PIGL: variants seen among roughly 807,000 people sequenced by gnomAD.
PIGL encodes the protein N-acetylglucosaminyl-phosphatidylinositol de-N-acetylase.
PIGL carries 22 observed loss-of-function variants against 31.1 expected under a neutral mutation model. The ratio of observed to expected loss-of-function variants is 0.71; its 90% confidence interval spans 0.51 to 1.01. The LOEUF is 1.01. Ranked by LOEUF, PIGL falls within the 50% of genes least tolerant of loss-of-function variation. PIGL has a pLI of 0.00. For missense variants in PIGL, 302 were observed against 315.9 expected (o/e 0.96, Z 0.33); for synonymous variants, 131 against 117.4 (o/e 1.12, Z -0.75).
intron 2 of PIGL, among the ~76,000 whole-genome samples, chr17:16,235,679 C>G (rs927699934): frequency 1.3e-5 from 2 of 151,306 alleles, no homozygotes; most frequent in East Asian, 3.9e-4. Context: ...TCTTGAACTC[C>G]CGACCTCAGG....
chr17:16,218,654 C>G (rs1367550745), intron 1 of PIGL, among the ~76,000 whole-genome samples: 1 of 149,414 alleles, frequency 6.7e-6, no homozygotes, highest in Non-Finnish European at 1.5e-5. Flanking sequence ...AACACATTCC[C>G]AAAAACAAAA....
intron 2 of PIGL, among the ~76,000 whole-genome samples, chr17:16,245,355 G>A (rs2092740260): frequency 6.6e-6 from 1 of 151,724 alleles, no homozygotes. Context: ...TTGAAGTCCT[G>A]AACTCAGATG....
chr17:16,311,435 G>GTGGT (rs1445348342), intron 3 of PIGL, among the ~76,000 whole-genome samples: 101 of 92,624 alleles, frequency 1.1e-3, no homozygotes, highest in Admixed American at 2.6e-3. Flanking sequence ...AACCCAATAA[G>GTGGT]TGGTAAAGCC....
intron 1 of PIGL, among the ~76,000 whole-genome samples, chr17:16,219,047 G>C (rs1345269620): frequency 6.8e-6 from 1 of 147,032 alleles, no homozygotes; most frequent in African/African-American, 2.5e-5. Flanking sequence ...CTGTAGCATT[G>C]ACTGACATTT....
intron 1 of PIGL, among the ~76,000 whole-genome samples, chr17:16,231,894 T>TTA (rs2092681010): frequency 6.6e-6 from 1 of 152,204 alleles, no homozygotes; most frequent in South Asian, 2.1e-4. Flanking sequence ...GTTTTTTTAT[T>TTA]TATTTACAAT....
At chr17:16,282,340 C>G (rs569780544) in intron 2 of PIGL, among the ~76,000 whole-genome samples, 1 of 152,056 alleles carries the variant, frequency 6.6e-6, no homozygotes, top group Non-Finnish European at 1.5e-5. Context: ...TTCTTTACAA[C>G]TTAGAAAAGC....
intron 3 of PIGL, among the ~76,000 whole-genome samples, chr17:16,312,091 C>T (rs2093053779): frequency 7.0e-6 from 1 of 142,460 alleles, no homozygotes; most frequent in South Asian, 2.1e-4. Context: ...GGGGGCTGCC[C>T]CCCCACCTCC....
intron 3 of PIGL, among the ~76,000 whole-genome samples, chr17:16,306,035 G>A (rs971454660): frequency 6.6e-6 from 1 of 151,996 alleles, no homozygotes; most frequent in Non-Finnish European, 1.5e-5. Context: ...TTCAACCTCC[G>A]CCTCCCGGGT....
chr17:16,308,819 G>A, intron 3 of PIGL, among the ~76,000 whole-genome samples: 1 of 107,322 alleles, frequency 9.3e-6, no homozygotes, highest in Non-Finnish European at 1.8e-5. Context: ...TTCGAGACAA[G>A]GTCTCCCTCT....
rs929982346 is a variant in PIGL at position 16,218,904 on chromosome 17, C to T, written c.235+1443C>T. Among the ~76,000 whole-genome samples, 21 of 151,738 alleles carry T rather than the reference C, an allele frequency of 1.4e-4. 1 individual carries two copies. The highest frequency in any genetic ancestry group is 1.8e-4 in the Non-Finnish European group (12 of 67,912). Reference sequence around the variant, plus strand: ...ATGTTAGCCAGGCTGGTCTCAAACTCCTGACCTCTAGTGATCCACCTGCCT... The same window carrying T: ...ATGTTAGCCAGGCTGGTCTCAAACTTCTGACCTCTAGTGATCCACCTGCCT... On this transcript the variant is annotated intron_variant, in intron 1 of 6. Coordinates refer to ENST00000225609, the MANE Select transcript of PIGL (RefSeq NM_004278.4).
chr17:16,275,892 TG>T (rs2142780960), intron 2 of PIGL, among the ~76,000 whole-genome samples: 1 of 152,090 alleles, frequency 6.6e-6, no homozygotes, highest in African/African-American at 2.4e-5. Context: ...GGTGTGGTGG[TG>T]GGTGCCTGTA....
In PIGL at chr17:16,308,166, C is replaced by T. The variant is rs139640523; in HGVS notation, c.427-5381C>T. Among the ~76,000 whole-genome samples, 846 of 152,008 alleles carry T rather than the reference C, an allele frequency of 5.6e-3. 13 individuals are homozygous for T. Among genetic ancestry groups the T allele is most frequent in the African/African-American group, 0.019 (780 of 41,472 alleles). On this transcript the variant is annotated intron_variant, in intron 3 of 6. Coordinates refer to ENST00000225609, the MANE Select transcript of PIGL (RefSeq NM_004278.4). ...TGGCCAAGATGGTGAAACCCCATCT[C>T]TACTAAAAATACAAAAATTAGCCGG...
chr17:16,282,551 C>T (rs1387367913), intron 2 of PIGL, among the ~76,000 whole-genome samples: 2 of 152,136 alleles, frequency 1.3e-5, no homozygotes, highest in Non-Finnish European at 2.9e-5. Flanking sequence ...CAAAATATCC[C>T]TAGAATTACT....
chr17:16,304,317 G>A (rs1203618789), intron 3 of PIGL, among the ~76,000 whole-genome samples: 2 of 152,212 alleles, frequency 1.3e-5, no homozygotes, highest in Admixed American at 6.5e-5. Context: ...ACCAGGATGA[G>A]AGCATAAGCT....
At chr17:16,264,193 A>G (rs2092831542) in intron 2 of PIGL, among the ~76,000 whole-genome samples, 1 of 114,888 alleles carries the variant, frequency 8.7e-6, no homozygotes, top group Admixed American at 9.3e-5. Context: ...TTATATTTTT[A>G]GTAGAGATGG....
rs767349127 is a variant in PIGL, at chr17:16,299,933, G to C, written c.381G>C (p.Val127=). ...GCATGCAGTGGGACACAGAGCACGT[G>C]GCCAGAGTCCTCCTTCAGCACATAG... ...DPGMQWDTEH[V]ARVLLQHIEV... The change falls in exon 3 of 7, where the codon GTG becomes GTC. Residue 127 remains valine (V), a synonymous_variant. Transcript: ENST00000225609. 1.9e-6 allele frequency: 3 copies of C among 1,613,970 alleles called. No homozygotes were observed. In the African/African-American group the frequency reaches 4.0e-5, roughly 22 times the overall value.
chr17:16,233,472 A>T (rs143372003), intron 1 of PIGL, among the ~76,000 whole-genome samples: 1 of 152,006 alleles, frequency 6.6e-6, no homozygotes, highest in Non-Finnish European at 1.5e-5. Context: ...GCTTTCCTAA[A>T]TGGTATCTAC....
intron 2 of PIGL, among the ~76,000 whole-genome samples, chr17:16,267,952 G>A (rs1342766052): frequency 6.6e-6 from 1 of 152,144 alleles, no homozygotes; most frequent in Non-Finnish European, 1.5e-5. Flanking sequence ...CAGACAAAGA[G>A]CAGACTCTTT....
chr17:16,235,731 C>T (rs2092697010), intron 2 of PIGL, among the ~76,000 whole-genome samples: 1 of 150,198 alleles, frequency 6.7e-6, no homozygotes, highest in Non-Finnish European at 1.5e-5. Flanking sequence ...GTGATTATAG[C>T]CATGAACCAC....
Sources: gnomAD v4.1 joint callset for allele counts (sites outside exome capture counted in the v4.1 genomes callset) on GRCh38, gnomAD v4.1.1 for gene constraint, MANE v1.5 for transcripts, NCBI Gene and HGNC (gene_info 2026-07-23, HGNC 2026-07-21) for gene names.